Variants in MAF observed in about 807,000 individuals in gnomAD.
The protein encoded by MAF is transcription factor Maf.
Under a neutral mutation model 22.0 loss-of-function variants are expected in MAF, and 10 were observed. The ratio of observed to expected loss-of-function variants is 0.45; its 90% CI spans 0.28 to 0.77. MAF has a LOEUF of 0.77. Ranked by LOEUF, MAF falls within the 30% of genes least tolerant of loss-of-function variation. The probability of loss-of-function intolerance (pLI) is 0.12; values close to 1 mark genes in which losing one functional copy is unlikely to be tolerated. For synonymous variants in MAF, 337 were observed against 255.8 expected (o/e 1.32, Z -3.03); for missense variants, 544 against 548.4 (o/e 0.99, Z 0.08).
At chr16:79,290,464 C>G in the MAF span, among the ~76,000 whole-genome samples, 8 of 152,126 alleles carry the variant, frequency 5.3e-5, no homozygotes, top group African/African-American at 1.7e-4. Context: ...GTCTGAGAGT[C>G]AGAATCATCT....
the MAF span, among the ~76,000 whole-genome samples, chr16:79,446,719 C>T: frequency 1.3e-5 from 2 of 150,150 alleles, no homozygotes; most frequent in African/African-American, 2.4e-5. Flanking sequence ...CAAGACCAGC[C>T]TGGGCAGCAC....
At chr16:79,468,483 G>T in the MAF span, among the ~76,000 whole-genome samples, 1 of 152,216 alleles carries the variant, frequency 6.6e-6, no homozygotes, top group African/African-American at 2.4e-5. Flanking sequence ...TGTTTGGCCC[G>T]TCTGCTCTTG....
At chr16:79,288,609 G>A in the MAF span, among the ~76,000 whole-genome samples, 1 of 152,222 alleles carries the variant, frequency 6.6e-6, no homozygotes, top group Non-Finnish European at 1.5e-5. Flanking sequence ...TTTTGGGAAG[G>A]TGTTGTTATA....
the MAF span, among the ~76,000 whole-genome samples, chr16:79,308,149 A>G: frequency 1.3e-5 from 2 of 152,154 alleles, no homozygotes; most frequent in African/African-American, 2.4e-5. Context: ...GACCCAATCG[A>G]TGGAGCTGTC....
the MAF span, chr16:79,203,532 C>G: frequency 6.9e-6 from 1 of 145,140 alleles, no homozygotes; most frequent in African/African-American, 2.6e-5. Flanking sequence ...TTTTTCAGGA[C>G]TATGTTATAG....
the MAF span, among the ~76,000 whole-genome samples, chr16:79,518,279 G>A: frequency 6.6e-6 from 1 of 152,238 alleles, no homozygotes. Flanking sequence ...TACTGGCAAA[G>A]ACATCTTGCC....
the MAF span, among the ~76,000 whole-genome samples, chr16:79,274,769 G>T: frequency 6.6e-6 from 1 of 152,176 alleles, no homozygotes; most frequent in South Asian, 2.1e-4. Context: ...AAGACTCAGT[G>T]CAAGGGGTCA....
the MAF span, among the ~76,000 whole-genome samples, chr16:79,333,800 C>T: frequency 6.6e-6 from 1 of 152,148 alleles, no homozygotes; most frequent in African/African-American, 2.4e-5. Context: ...GATGCTGGAT[C>T]CCAGCATCTC....
chr16:79,449,054 GA>G, the MAF span, among the ~76,000 whole-genome samples: 3 of 152,190 alleles, frequency 2.0e-5, no homozygotes, highest in African/African-American at 7.2e-5. Context: ...ATCTGGGGGT[GA>G]TGGGAGACAG....
At chr16:79,519,534 T>A in the MAF span, among the ~76,000 whole-genome samples, 1 of 152,114 alleles carries the variant, frequency 6.6e-6, no homozygotes, top group Admixed American at 6.5e-5. Context: ...CCCTTACCAC[T>A]CTCTGTCCCT....
At chr16:79,287,702 C>CATTCACTCATTCATTT in the MAF span, among the ~76,000 whole-genome samples, 2 of 152,102 alleles carry the variant, frequency 1.3e-5, no homozygotes, top group Non-Finnish European at 2.9e-5. Context: ...CTCATTCTTT[C>CATTCACTCATTCATTT]ATTCACTCAT....
At chr16:79,502,704 T>A in the MAF span, among the ~76,000 whole-genome samples, 6 of 14,398 alleles carry the variant, frequency 4.2e-4, no homozygotes. Flanking sequence ...TAAATATAAA[T>A]ATAAATATAT....
At chr16:79,346,996 A>G in the MAF span, among the ~76,000 whole-genome samples, 1 of 152,204 alleles carries the variant, frequency 6.6e-6, no homozygotes, top group East Asian at 1.9e-4. Flanking sequence ...GAGGACAGAT[A>G]CACCTGAATC....
chr16:79,510,604 T>G, the MAF span, among the ~76,000 whole-genome samples: 1 of 152,194 alleles, frequency 6.6e-6, no homozygotes, highest in Non-Finnish European at 1.5e-5. Flanking sequence ...AAAGCCACCC[T>G]GGGATCTATT....
chr16:79,236,714 C>G, the MAF span, among the ~76,000 whole-genome samples: 1 of 152,054 alleles, frequency 6.6e-6, no homozygotes, highest in African/African-American at 2.4e-5. Flanking sequence ...CCAGGCTCCG[C>G]TCCTTTCCAA....
the MAF span, among the ~76,000 whole-genome samples, chr16:79,370,167 G>C: frequency 6.6e-6 from 1 of 152,186 alleles, no homozygotes; most frequent in Non-Finnish European, 1.5e-5. Flanking sequence ...AGAGTTTCTA[G>C]GTGGTAAAAG....
chr16:79,426,084 T>G, the MAF span, among the ~76,000 whole-genome samples: 279 of 152,172 alleles, frequency 1.8e-3, no homozygotes, highest in Non-Finnish European at 3.0e-3. Context: ...CACATGCCTG[T>G]AGTCCCAGCT....
At chr16:79,545,460 C>A in the MAF span, among the ~76,000 whole-genome samples, 1 of 151,818 alleles carries the variant, frequency 6.6e-6, no homozygotes, top group African/African-American at 2.4e-5. Flanking sequence ...ATGAGTACAA[C>A]TGCACACATT....
chr16:79,386,146 G>T, the MAF span, among the ~76,000 whole-genome samples: 1 of 152,170 alleles, frequency 6.6e-6, no homozygotes, highest in Admixed American at 6.5e-5. Context: ...TTTTCCATGG[G>T]TTGTTGAGGG....
Sources: allele counts gnomAD v4.1 joint callset (sites outside exome capture counted in the v4.1 genomes callset), GRCh38; gene constraint gnomAD v4.1.1; transcripts MANE v1.5; gene names NCBI Gene and HGNC (gene_info 2026-07-23, HGNC 2026-07-21).